Variants in GPCPD1 observed in about 807,000 individuals in gnomAD.
GPCPD1 encodes glycerophosphocholine phosphodiesterase GPCPD1.
GPCPD1 carries 29 observed loss-of-function variants against 89.2 expected under a neutral mutation model. The observed-to-expected ratio is 0.33, with a 90% CI of 0.24 to 0.44. GPCPD1 has a LOEUF of 0.44. Among genes scored for constraint, GPCPD1 ranks in the 20% least tolerant of loss-of-function variants. The pLI is 1.00. For missense variants in GPCPD1, 594 were observed against 808.9 expected (o/e 0.73, Z 3.22); for synonymous variants, 258 against 266.3 (o/e 0.97, Z 0.30).
At position 5,558,958 on chromosome 20, in the gene GPCPD1, T is replaced by C. The variant is rs1985931449; in HGVS notation, c.1533-139A>G. 6.7e-6 allele frequency: 4 copies of C among 595,432 alleles called. No homozygotes were observed. The South Asian group carries it at 7.1e-5, about 11-fold the overall frequency. 36.9% of individuals were successfully genotyped at this position (595,432 alleles called of 1,614,324 possible). A position where few individuals can be genotyped will look rare whatever the true frequency, so the allele number is the denominator to read the frequency against. Reference sequence around the variant, plus strand: ...TGGCTCACACCTGTAATCCCAACACTTTGGGAGGCCAAGGCGGGCAGAGCA... The same window carrying C: ...TGGCTCACACCTGTAATCCCAACACCTTGGGAGGCCAAGGCGGGCAGAGCA... On this transcript the variant is annotated intron_variant, in intron 17 of 19. Coordinates refer to ENST00000379019, the MANE Select transcript of GPCPD1 (RefSeq NM_019593.5).
chr20:5,576,433 A>AG, intron 8 of GPCPD1, among the ~76,000 whole-genome samples: 1 of 152,128 alleles, frequency 6.6e-6, no homozygotes, highest in East Asian at 1.9e-4. Context: ...AAAAAAAAAA[A>AG]AAAAAAATTC....
intron 1 of GPCPD1, among the ~76,000 whole-genome samples, chr20:5,605,555 G>C (rs1469022348): frequency 6.6e-6 from 1 of 152,166 alleles, no homozygotes; most frequent in Non-Finnish European, 1.5e-5. Flanking sequence ...GAGGAGGGCA[G>C]ATCACTTGAG....
chr20:5,580,026 A>T lies in GPCPD1; in HGVS notation c.455T>A (p.Leu152Ter). 2 of 1,541,078 alleles carry T rather than the reference A, an allele frequency of 1.3e-6. No individual in the cohort carries two copies. Among genetic ancestry groups the T allele is most frequent in the East Asian group, 4.5e-5 (2 of 44,408 alleles). ...GTCATACCTAAATCTAGATTTTTTT[A>T]ATTTTTTCTTGGTTATTGACACAGG... ...KPPVSITKKK[L>*]KKSRFRVKLT... Residue 152 changes from leucine to a stop codon, truncating the protein, a stop_gained, in exon 7 of 20, where the codon TTA becomes TAA. Coordinates refer to ENST00000379019, the MANE Select transcript of GPCPD1 (RefSeq NM_019593.5). LOFTEE classifies it high-confidence loss of function.
rs558439310 is a variant in GPCPD1 at position 5,549,472 on chromosome 20, T to C, written c.1830-1622A>G. ...ACAGCTCCACCACTAAAAATAGGTT[T>C]GTTGTTTAAGAAGACACCTTCTGAG... On this transcript the variant is annotated intron_variant, in intron 19 of 19. Coordinates refer to ENST00000379019, the MANE Select transcript of GPCPD1 (RefSeq NM_019593.5). The C allele has an allele frequency of 1.1e-4, 128 of 1,212,896 alleles. 1 individual carries two copies. In the African/African-American group the frequency reaches 1.3e-3, roughly 12 times the overall value. The allele number at this position is 1,212,896 out of a possible 1,614,324, so 75.1% of individuals were successfully genotyped here. A position where few individuals can be genotyped will look rare whatever the true frequency, so the allele number is the denominator to read the frequency against.
chr20:5,585,324 AGATGTGTCCTTACTCCAG>A (rs1222404407), intron 5 of GPCPD1: 11 of 152,158 alleles, frequency 7.2e-5, no homozygotes, highest in African/African-American at 2.4e-4. Context: ...TGTTTAAATG[AGATGTGTCCTTACTCCAG>A]GATAAAGCAG....
Position 5,575,963 on chromosome 20 carries a change from GCTCACTGAGAT to G in GPCPD1, c.710_720del (p.Asp237AlafsTer6). ...GGAAGGGCATCACCCTGAACTACGT[GCTCACTGAGAT>G]CTTCCTGAAAAAATGAGATTTAAAA... On this transcript the variant is annotated frameshift_variant, in exon 9 of 20. Transcript: ENST00000379019. LOFTEE classifies it high-confidence loss of function. 6.3e-7 allele frequency: 1 copy of G among 1,585,082 alleles called. No homozygotes were observed. Among genetic ancestry groups the G allele is most frequent in the East Asian group, 2.2e-5 (1 of 44,706 alleles).
chr20:5,568,361 G>C (rs1219389194), intron 12 of GPCPD1, among the ~76,000 whole-genome samples: 1 of 150,328 alleles, frequency 6.7e-6, no homozygotes, highest in Non-Finnish European at 1.5e-5. Flanking sequence ...TTAAAAGTAA[G>C]ACAGTAAGAA....
At chr20:5,594,571 C>G (rs2122762642) in intron 3 of GPCPD1, among the ~76,000 whole-genome samples, 1 of 152,290 alleles carries the variant, frequency 6.6e-6, no homozygotes, top group South Asian at 2.1e-4. Context: ...GGATTACAGG[C>G]ATGAGCCACC....
intron 3 of GPCPD1, among the ~76,000 whole-genome samples, 180 bp downstream of exon 3, chr20:5,598,545 G>A (rs2122780976): frequency 6.7e-6 from 1 of 149,942 alleles, no homozygotes; most frequent in East Asian, 1.9e-4. Flanking sequence ...TTAACAGTAA[G>A]AGAGGAACCT....
chr20:5,575,953 T>C lies in GPCPD1; in HGVS notation c.731A>G (p.Gln244Arg). Reference sequence around the variant, plus strand: ...CACATGTCCAGGAAGGGCATCACCCTGAACTACGTGCTCACTGAGATCTTC... The same window carrying C: ...CACATGTCCAGGAAGGGCATCACCCCGAACTACGTGCTCACTGAGATCTTC... ...FEEDLSEHVV[Q>R]GDALPGHVGT... The change falls in exon 9 of 20, where the codon CAG becomes CGG. Residue 244 changes from glutamine (Q) to arginine (R), a missense_variant. Gln to Arg is a conservative substitution (Grantham distance 43). Coordinates refer to ENST00000379019, the MANE Select transcript of GPCPD1 (RefSeq NM_019593.5). 2 of 1,597,628 alleles carry C rather than the reference T, an allele frequency of 1.3e-6. No homozygotes were observed. The highest frequency in any genetic ancestry group is 8.6e-7 in the Non-Finnish European group (1 of 1,169,118).
At chr20:5,577,512 A>G (rs973165023) in intron 8 of GPCPD1, among the ~76,000 whole-genome samples, 1 of 151,772 alleles carries the variant, frequency 6.6e-6, no homozygotes, top group Admixed American at 6.6e-5. Context: ...AAAGGAAAAG[A>G]AGAAAGGAAA....
At chr20:5,569,077 C>T (rs967060870) in intron 12 of GPCPD1, among the ~76,000 whole-genome samples, 6 of 151,634 alleles carry the variant, frequency 4.0e-5, no homozygotes, top group Non-Finnish European at 8.8e-5. Context: ...TGAATAGATG[C>T]ACCTCCTTCC....
rs919297647 is a variant in GPCPD1, at chr20:5,565,149, T to C, written c.1268-71A>G. On this transcript the variant is annotated intron_variant, in intron 14 of 19. Coordinates refer to ENST00000379019, the MANE Select transcript of GPCPD1 (RefSeq NM_019593.5). ...ATCACTAAGAGCTTTCTTAAATCCT[T>C]AGTGCCAAAAAAAACAGGGAAAGAG... The C allele has an allele frequency of 2.6e-5, 21 of 804,668 alleles. No individual in the cohort carries two copies. The South Asian group carries it at 2.8e-4, about 11-fold the overall frequency. The allele number at this position is 804,668 out of a possible 1,614,324, so 49.8% of individuals were successfully genotyped here.
In GPCPD1 at chr20:5,602,158, T is replaced by C. The variant is rs538739572; in HGVS notation, c.49+2206A>G. Among the ~76,000 whole-genome samples, 11 of 152,316 alleles carry C rather than the reference T, an allele frequency of 7.2e-5. No homozygotes were observed. In the East Asian group the frequency reaches 9.6e-4, roughly 13 times the overall value. The stretch of plus-strand genomic sequence containing the variant: ...GTGATGGGGGAATTGAGGTGGGGTC[T>C]CCCCCAGTATCCCCTTGCTGTCCCT... On this transcript the variant is annotated intron_variant, in intron 2 of 19. Transcript: ENST00000379019.
chr20:5,566,107 A>T (rs1986382794), intron 14 of GPCPD1, among the ~76,000 whole-genome samples: 1 of 152,194 alleles, frequency 6.6e-6, no homozygotes, highest in Admixed American at 6.5e-5. Context: ...CTTTATAAAG[A>T]TATTAAAACT....
intron 19 of GPCPD1, 30 bp from the exon 20 acceptor site, chr20:5,547,880 A>G (rs751117469): frequency 4.8e-6 from 6 of 1,259,908 alleles, no homozygotes; most frequent in Non-Finnish European, 5.6e-6. Flanking sequence ...AAACACATAA[A>G]ATACTGTAAT....
intron 3 of GPCPD1, 86 bp from the exon 4 acceptor site, chr20:5,593,497 A>G (rs1979482365): frequency 1.4e-6 from 1 of 740,366 alleles, no homozygotes; most frequent in Non-Finnish European, 2.4e-6. Context: ...CTCCTCAAAT[A>G]AAACGTATGA....
chr20:5,604,136 T>C (rs1980381612), intron 2 of GPCPD1, among the ~76,000 whole-genome samples: 1 of 152,154 alleles, frequency 6.6e-6, no homozygotes, highest in Non-Finnish European at 1.5e-5. Context: ...CAAAATTAGG[T>C]ATAAATTCAT....
At chr20:5,575,665 A>AT in intron 9 of GPCPD1, 120 bp from the exon 10 acceptor site, 1 of 908,758 alleles carries the variant, frequency 1.1e-6, no homozygotes, top group Non-Finnish European at 1.7e-6. Flanking sequence ...AACGGAAAAA[A>AT]AAACAAGATT....
Sources: allele counts gnomAD v4.1 joint callset (sites outside exome capture counted in the v4.1 genomes callset), GRCh38; gene constraint gnomAD v4.1.1; transcripts MANE v1.5; gene names NCBI Gene and HGNC (gene_info 2026-07-23, HGNC 2026-07-21).